Variants in PDE7A observed in about 807,000 individuals in gnomAD.
The protein encoded by PDE7A is high affinity 3',5'-cyclic-AMP phosphodiesterase 7A.
In PDE7A, 39 loss-of-function variants were observed where a neutral mutation model predicts 64.3. The observed-to-expected ratio is 0.61, with a 90% CI of 0.47 to 0.79. PDE7A has a LOEUF of 0.79. Ranked by LOEUF, PDE7A falls within the 30% of genes least tolerant of loss-of-function variation. The probability of loss-of-function intolerance (pLI) is 0.00; values close to 1 mark genes in which losing one functional copy is unlikely to be tolerated. For missense variants in PDE7A, 470 were observed against 582.8 expected (o/e 0.81, Z 1.99); for synonymous variants, 203 against 206.8 (o/e 0.98, Z 0.16).
At chr8:65,780,278 G>A (rs116764015) in intron 2 of PDE7A, among the ~76,000 whole-genome samples, 5 of 151,962 alleles carry the variant, frequency 3.3e-5, no homozygotes, top group Admixed American at 1.3e-4. Context: ...GGGCTAAAAG[G>A]GATATGAAAA....
intron 4 of PDE7A, among the ~76,000 whole-genome samples, chr8:65,747,400 C>A (rs1160554582): frequency 6.6e-6 from 1 of 152,100 alleles, no homozygotes; most frequent in African/African-American, 2.4e-5. Flanking sequence ...TTTTATTGAT[C>A]TCCTTGTTAC....
chr8:65,741,494 T>C (rs1205324999), intron 5 of PDE7A, among the ~76,000 whole-genome samples: 2 of 152,212 alleles, frequency 1.3e-5, no homozygotes, highest in East Asian at 1.9e-4. Flanking sequence ...ATTATTTGCA[T>C]AAGCAATGAC....
At chr8:65,800,552 G>A (rs994636275) in intron 1 of PDE7A, among the ~76,000 whole-genome samples, 2 of 152,206 alleles carry the variant, frequency 1.3e-5, no homozygotes, top group Non-Finnish European at 2.9e-5. Context: ...GCATTTAGCT[G>A]CCTGTCCTCC....
At chr8:65,759,435 C>T (rs1449876933) in intron 3 of PDE7A, among the ~76,000 whole-genome samples, 1 of 152,050 alleles carries the variant, frequency 6.6e-6, no homozygotes, top group Non-Finnish European at 1.5e-5. Flanking sequence ...TGGCTTCAGC[C>T]AGATACTGCA....
chr8:65,841,239 G>C (rs1811078971), intron 1 of PDE7A, 132 bp downstream of exon 1: 2 of 1,079,948 alleles, frequency 1.9e-6, no homozygotes, highest in African/African-American at 3.3e-5. Context: ...CTCTGCAATC[G>C]AAAGGCCAGC....
intron 1 of PDE7A, among the ~76,000 whole-genome samples, chr8:65,827,365 T>C (rs1563522640): frequency 1.3e-5 from 2 of 152,228 alleles, no homozygotes; most frequent in Non-Finnish European, 2.9e-5. Flanking sequence ...CCGTAATTTT[T>C]CTTGACAACT....
intron 1 of PDE7A, among the ~76,000 whole-genome samples, chr8:65,806,042 C>T (rs1456734295): frequency 6.6e-6 from 1 of 152,160 alleles, no homozygotes; most frequent in East Asian, 1.9e-4. Flanking sequence ...AGAAAACAAT[C>T]ATGGATAAGC....
chr8:65,769,167 GA>G (rs1808948750), intron 3 of PDE7A, among the ~76,000 whole-genome samples: 1 of 147,286 alleles, frequency 6.8e-6, no homozygotes, highest in African/African-American at 2.5e-5. Flanking sequence ...AGAATTGCTT[GA>G]ACCAGGGAGT....
chr8:65,779,810 A>G lies in PDE7A; in HGVS notation c.200-7T>C, dbSNP rs772233180. The G allele has an allele frequency of 1.3e-6, 2 of 1,546,528 alleles. No individual in the cohort carries two copies. Among genetic ancestry groups the G allele is most frequent in the African/African-American group, 2.7e-5 (2 of 73,044 alleles). ...CTCCTTACACGTACATCTCCTGGAC[A>G]GAATCAAGAATAAAACATAAGTTTA... On this transcript the variant is annotated splice_region_variant and splice_polypyrimidine_tract_variant and intron_variant, in intron 2 of 12. Transcript: ENST00000401827.
chr8:65,745,420 A>G lies in PDE7A; in HGVS notation c.486T>C (p.Asp162=), dbSNP rs544352453. ...TTCTTCACTTACCATTTGTTAGTCT[A>G]TCAAATAGAAAGATATCAAAATTCC... The part of the protein sequence containing the change: ...GNWNFDIFLF[D]RLTNGNSLVS... The change falls in exon 5 of 13, where the codon GAT becomes GAC. Residue 162 remains aspartate, a synonymous_variant. Transcript: ENST00000401827. 2.8e-4 allele frequency: 445 copies of G among 1,563,192 alleles called. 4 individuals are homozygous for G. In the South Asian group the frequency reaches 4.7e-3, roughly 16 times the overall value.
intron 2 of PDE7A, among the ~76,000 whole-genome samples, chr8:65,780,039 T>C (rs559488951): frequency 3.3e-5 from 5 of 152,148 alleles, no homozygotes; most frequent in African/African-American, 1.2e-4. Flanking sequence ...ATAATTATTA[T>C]AATCTATATT....
At chr8:65,789,984 C>T (rs1421746311) in intron 1 of PDE7A, among the ~76,000 whole-genome samples, 1 of 152,188 alleles carries the variant, frequency 6.6e-6, no homozygotes. Flanking sequence ...ACGTAGGAAA[C>T]GCCAACAAAC....
chr8:65,834,638 C>T (rs1480049420), intron 1 of PDE7A, among the ~76,000 whole-genome samples: 2 of 152,134 alleles, frequency 1.3e-5, no homozygotes, highest in Admixed American at 6.5e-5. Context: ...TTTAGTTACC[C>T]AGTTAACAAC....
intron 3 of PDE7A, among the ~76,000 whole-genome samples, chr8:65,775,130 C>G (rs768550674): frequency 1.8e-4 from 28 of 152,266 alleles, no homozygotes; most frequent in Admixed American, 5.9e-4. Flanking sequence ...TTCTCTTTAT[C>G]TGTGGTGTTT....
intron 1 of PDE7A, among the ~76,000 whole-genome samples, chr8:65,822,941 T>C (rs1199190860): frequency 6.7e-6 from 1 of 148,820 alleles, no homozygotes; most frequent in African/African-American, 2.6e-5. Context: ...TCTATTAACT[T>C]TATCTATCTA....
intron 1 of PDE7A, among the ~76,000 whole-genome samples, chr8:65,816,589 C>T (rs1810409348): frequency 6.6e-6 from 1 of 152,172 alleles, no homozygotes; most frequent in Admixed American, 6.5e-5. Context: ...ATTTCACCTT[C>T]ATTTTTAAAG....
chr8:65,794,146 C>T (rs1200242073), intron 1 of PDE7A, among the ~76,000 whole-genome samples: 1 of 152,172 alleles, frequency 6.6e-6, no homozygotes, highest in East Asian at 1.9e-4. Flanking sequence ...AATGCTATCA[C>T]TCACAACTCT....
chr8:65,783,788 C>T (rs1056907811), intron 1 of PDE7A, among the ~76,000 whole-genome samples: 1 of 152,106 alleles, frequency 6.6e-6, no homozygotes, highest in African/African-American at 2.4e-5. Context: ...GGACTTATTG[C>T]AAATTAATAA....
intron 3 of PDE7A, among the ~76,000 whole-genome samples, chr8:65,775,836 C>T (rs1360588850): frequency 4.6e-5 from 7 of 152,152 alleles, no homozygotes; most frequent in Non-Finnish European, 8.8e-5. Context: ...ACCATGTTGG[C>T]CAGGCTGGTC....
Sources: allele counts gnomAD v4.1 joint callset (sites outside exome capture counted in the v4.1 genomes callset), GRCh38; gene constraint gnomAD v4.1.1; transcripts MANE v1.5; gene names NCBI Gene and HGNC (gene_info 2026-07-23, HGNC 2026-07-21).